ZC3H14: variants seen among roughly 807,000 people sequenced by gnomAD.
The protein encoded by ZC3H14 is zinc finger CCCH domain-containing protein 14.
ZC3H14 carries 31 observed loss-of-function variants against 92.4 expected under a neutral mutation model. That is an observed-to-expected ratio of 0.34 (90% CI 0.25 to 0.45). The LOEUF is 0.45. Among genes scored for constraint, ZC3H14 ranks in the 20% least tolerant of loss-of-function variants. The pLI, the probability that ZC3H14 is intolerant of heterozygous loss-of-function variation, is 1.00. For synonymous variants in ZC3H14, 321 were observed against 300.9 expected (o/e 1.07, Z -0.69); for missense variants, 781 against 897.3 (o/e 0.87, Z 1.66).
rs1279415097 is a variant in ZC3H14, at chr14:88,607,424, A to AAGTG, written c.1868+64_1868+65insGAGT. On this transcript the variant is annotated intron_variant, in intron 13 of 16. Coordinates refer to ENST00000251038, the MANE Select transcript of ZC3H14 (RefSeq NM_024824.5). ...GTACCATCCCCCCATCTCACCCTGC[A>AAGTG]AGTACCATCCCCCATCTCACCTGGC... 3.7e-5 allele frequency: 53 copies of AAGTG among 1,429,446 alleles called. No individual in the cohort carries two copies. In the East Asian group the frequency reaches 1.6e-3, roughly 44 times the overall value. 88.5% of individuals were successfully genotyped at this position (1,429,446 alleles called of 1,614,324 possible).
In ZC3H14 at chr14:88,616,363, C is replaced by A; in HGVS notation, c.*4612C>A. On this transcript the variant is annotated 3_prime_UTR_variant, in exon 17 of 17. Transcript: ENST00000251038. ...AGAGAGTAGGGAGTTAGCACCGCAG[C>A]CAGTGATTAGAATGCTTTTCAGCAT... 1.1e-6 allele frequency: 1 copy of A among 949,084 alleles called. No individual in the cohort carries two copies. Among genetic ancestry groups the A allele is most frequent in the South Asian group, 1.5e-5 (1 of 66,998 alleles). 58.8% of individuals were successfully genotyped at this position (949,084 alleles called of 1,614,324 possible).
intron 9 of ZC3H14, among the ~76,000 whole-genome samples, chr14:88,596,237 C>T (rs563024183): frequency 1.3e-5 from 2 of 152,084 alleles, no homozygotes; most frequent in East Asian, 1.9e-4. Context: ...TTGCATGCAT[C>T]GAAGCCCAGA....
At chr14:88,593,879 T>C (rs578113373) in intron 9 of ZC3H14, among the ~76,000 whole-genome samples, 63 of 117,064 alleles carry the variant, frequency 5.4e-4, no homozygotes, top group Non-Finnish European at 8.6e-4. Context: ...ATTTTTGTGT[T>C]TCAAAAGATA....
Position 88,568,103 on chromosome 14 carries a change from A to T in ZC3H14, c.144A>T (p.Thr48=). 3 of 1,614,214 alleles carry T rather than the reference A, an allele frequency of 1.9e-6. No individual in the cohort carries two copies. Among genetic ancestry groups the T allele is most frequent in the Non-Finnish European group, 2.5e-6 (3 of 1,180,012 alleles). The change falls in exon 3 of 17, where the codon ACA becomes ACT. Residue 48 remains threonine (T), a synonymous_variant. Transcript: ENST00000251038. ...ACAAGAAAAGTCAGGACCAAATGAC[A>T]GAGGATCTGTCCCTGTTTCTAGGGA... is the stretch of plus-strand genomic sequence containing the variant. ...VANKKSQDQM[T]EDLSLFLGNN...
In ZC3H14 at chr14:88,621,759, TAGG is replaced by T. The variant is rs2088997066; in HGVS notation, c.*10011_*10013del. On this transcript the variant is annotated 3_prime_UTR_variant, in exon 17 of 17. Transcript: ENST00000251038. ...GTACAAACACGCTCAAAAATTTTCATAGGAGTTGTAGTTTTGAATTTTTATTTT... is the reference window on the plus strand; with the variant it reads ...GTACAAACACGCTCAAAAATTTTCATAGTTGTAGTTTTGAATTTTTATTTT... 7 of 338,700 alleles carry T rather than the reference TAGG, an allele frequency of 2.1e-5. No individual in the cohort carries two copies. Among genetic ancestry groups the T allele is most frequent in the South Asian group, 7.4e-5 (3 of 40,680 alleles). 21.0% of individuals were successfully genotyped at this position (338,700 alleles called of 1,614,324 possible).
rs780245593 is a variant in ZC3H14, at chr14:88,616,246, A to G, written c.*4495A>G. The G allele has an allele frequency of 6.8e-6, 11 of 1,613,534 alleles. No homozygotes were observed. The highest frequency in any genetic ancestry group is 2.2e-5 in the East Asian group (1 of 44,890). On this transcript the variant is annotated 3_prime_UTR_variant, in exon 17 of 17. Coordinates refer to ENST00000251038, the MANE Select transcript of ZC3H14 (RefSeq NM_024824.5). ...CCAAGAACCTTTTGTGTTTTGCCTA[A>G]AAAACAATGACAGACAAGCTCAGGG... is the stretch of plus-strand genomic sequence containing the variant.
Position 88,602,913 on chromosome 14 carries a change from G to T in ZC3H14, c.1600G>T (p.Asp534Tyr). ...GVPSPPGYMS[D>Y]QEEDMCFEGM... The stretch of plus-strand genomic sequence containing the variant: ...CCCCAGCCCCCCAGGATACATGTCA[G>T]ATCAAGAGGAGGACATGTGCTTTGA... The change falls in exon 12 of 17, where the codon GAT (aspartate) becomes TAT (tyrosine). Residue 534 changes from aspartate to tyrosine, a missense_variant. By Grantham distance (160) the Asp-to-Tyr change is radical. Coordinates refer to ENST00000251038, the MANE Select transcript of ZC3H14 (RefSeq NM_024824.5). 6.2e-7 allele frequency: 1 copy of T among 1,614,144 alleles called. No homozygotes were observed. Among genetic ancestry groups the T allele is most frequent in the Non-Finnish European group, 8.5e-7 (1 of 1,180,024 alleles).
At chr14:88,609,069 G>C in intron 13 of ZC3H14, 198 bp from the exon 14 acceptor site, 1 of 653,702 alleles carries the variant, frequency 1.5e-6, no homozygotes, top group Non-Finnish European at 2.5e-6. Flanking sequence ...GCCTGTGTTT[G>C]TGTTATCCCA....
Position 88,626,349 on chromosome 14 carries a change from T to C in ZC3H14, c.*14598T>C, listed in dbSNP as rs2089941214. The C allele has an allele frequency of 6.4e-6, 1 of 155,654 alleles. No individual in the cohort carries two copies. The highest frequency in any genetic ancestry group is 2.4e-5 in the African/African-American group (1 of 41,452). The allele number at this position is 155,654 out of a possible 1,614,324, so 9.6% of individuals were successfully genotyped here. ...CAAATGTTCATCAGAATCCTTATTA[T>C]GGTGGCTCATGCCTGTAAACCCAGC... On this transcript the variant is annotated 3_prime_UTR_variant, in exon 17 of 17. Transcript: ENST00000251038.
chr14:88,605,082 T>C (rs1053633292), intron 12 of ZC3H14, among the ~76,000 whole-genome samples: 1 of 152,184 alleles, frequency 6.6e-6, no homozygotes, highest in Non-Finnish European at 1.5e-5. Flanking sequence ...TAAAGTATTA[T>C]ATTGTTCCTG....
chr14:88,611,120 A>G (rs970086307), intron 16 of ZC3H14, among the ~76,000 whole-genome samples, 180 bp downstream of exon 16: 1 of 152,128 alleles, frequency 6.6e-6, no homozygotes. Context: ...TAAATTTTAC[A>G]TTATCCAGTG....
chr14:88,603,609 T>C (rs1292452744), intron 12 of ZC3H14, among the ~76,000 whole-genome samples: 1 of 152,216 alleles, frequency 6.6e-6, no homozygotes. Flanking sequence ...CAGTTTCTTA[T>C]CACCGTTTCT....
chr14:88,616,499 TG>T lies in ZC3H14; in HGVS notation c.*4750del. ...GAAATTTGATAACTGATTATAGGTT[TG>T]GTGAAAAGCTAATTACAGCTTTTGT... On this transcript the variant is annotated 3_prime_UTR_variant, in exon 17 of 17. Coordinates refer to ENST00000251038, the MANE Select transcript of ZC3H14 (RefSeq NM_024824.5). The T allele has an allele frequency of 1.7e-6, 1 of 602,434 alleles. No homozygotes were observed. The highest frequency in any genetic ancestry group is 2.9e-6 in the Non-Finnish European group (1 of 349,362). 37.3% of individuals were successfully genotyped at this position (602,434 alleles called of 1,614,324 possible). A position where few individuals can be genotyped will look rare whatever the true frequency, so the allele number is the denominator to read the frequency against.
Position 88,627,284 on chromosome 14 carries a change from G to A in ZC3H14, c.*15533G>A. 1.8e-6 allele frequency: 1 copy of A among 544,840 alleles called. No individual in the cohort carries two copies. Among genetic ancestry groups the A allele is most frequent in the South Asian group, 2.4e-5 (1 of 40,992 alleles). 33.8% of individuals were successfully genotyped at this position (544,840 alleles called of 1,614,324 possible). On this transcript the variant is annotated 3_prime_UTR_variant, in exon 17 of 17. Coordinates refer to ENST00000251038, the MANE Select transcript of ZC3H14 (RefSeq NM_024824.5). The stretch of plus-strand genomic sequence containing the variant: ...ACGTAAATGTTTTGTCTAAAGTGTG[G>A]TAGGTAATATTATCCTGCTGATCTG...
chr14:88,566,546 A>G (rs936927524), intron 2 of ZC3H14, among the ~76,000 whole-genome samples: 8 of 152,180 alleles, frequency 5.3e-5, no homozygotes, highest in Non-Finnish European at 1.2e-4. Flanking sequence ...TGCATTTTTT[A>G]TAGTTTTCTT....
At chr14:88,563,818 T>G (rs2079204466) in intron 2 of ZC3H14, 125 bp downstream of exon 2, 2 of 916,526 alleles carry the variant, frequency 2.2e-6, no homozygotes, top group Non-Finnish European at 1.8e-6. Context: ...CTTCTTCAAA[T>G]CTTATACTCC....
intron 10 of ZC3H14, among the ~76,000 whole-genome samples, chr14:88,601,115 T>C (rs1324071239): frequency 6.6e-6 from 1 of 152,206 alleles, no homozygotes; most frequent in Non-Finnish European, 1.5e-5. Flanking sequence ...TTTTGGGTCA[T>C]GCTATTCTGA....
At chr14:88,567,782 A>G (rs370036849) in intron 2 of ZC3H14, 16 of 494,832 alleles carry the variant, frequency 3.2e-5, no homozygotes, top group East Asian at 1.8e-4. Flanking sequence ...AAGTGAATGC[A>G]TGCTCAAGTT....
At chr14:88,603,095 A>G in intron 12 of ZC3H14, 35 bp downstream of exon 12, 3 of 1,590,966 alleles carry the variant, frequency 1.9e-6, no homozygotes, top group East Asian at 2.2e-5. Context: ...GGGTGCTGTC[A>G]TTGTGAAGGG....
Sources: allele counts gnomAD v4.1 joint callset (sites outside exome capture counted in the v4.1 genomes callset), GRCh38; gene constraint gnomAD v4.1.1; transcripts MANE v1.5; gene names NCBI Gene and HGNC (gene_info 2026-07-23, HGNC 2026-07-21).